Variants in KCTD16 observed in about 807,000 individuals in gnomAD.
The protein encoded by KCTD16 is potassium channel tetramerization domain containing 16.
A neutral mutation model predicts 33.2 loss-of-function variants in KCTD16; 13 were observed. The ratio of observed to expected loss-of-function variants is 0.39; its 90% confidence interval spans 0.25 to 0.62. The LOEUF (loss-of-function observed/expected upper bound fraction) is 0.62, where lower values mean the gene tolerates loss of function less well. KCTD16 is among the 20% of genes least tolerant of loss of function. The pLI is 0.50. For missense variants in KCTD16, 441 were observed against 525.1 expected (o/e 0.84, Z 1.57); for synonymous variants, 197 against 195.3 (o/e 1.01, Z -0.07).
chr5:144,179,838 C>A (rs1396508584), intron 2 of KCTD16, among the ~76,000 whole-genome samples: 1 of 152,174 alleles, frequency 6.6e-6, no homozygotes, highest in African/African-American at 2.4e-5. Flanking sequence ...GGTATTTATT[C>A]ATTCGTTTAA....
At chr5:144,343,188 G>T (rs1483682111) in intron 3 of KCTD16, among the ~76,000 whole-genome samples, 7 of 152,158 alleles carry the variant, frequency 4.6e-5, no homozygotes, top group Admixed American at 3.3e-4. Context: ...GTAGAATTCG[G>T]CTGTGAATCC....
intron 3 of KCTD16, among the ~76,000 whole-genome samples, chr5:144,208,076 T>C (rs1230402497): frequency 6.6e-6 from 1 of 152,152 alleles, no homozygotes; most frequent in Non-Finnish European, 1.5e-5. Flanking sequence ...GGCCCCCTGC[T>C]CCCCCCAAGT....
In KCTD16 at chr5:144,297,919, C is replaced by T. The variant is rs1322844168; in HGVS notation, c.832+90373C>T. Among the ~76,000 whole-genome samples, 9 of 152,302 alleles carry T rather than the reference C, an allele frequency of 5.9e-5. No individual in the cohort carries two copies. In the South Asian group the frequency reaches 1.9e-3, roughly 32 times the overall value. ...TTGAAATTGCACTCTTCTGGTCCAA[C>T]TCGGCTAGAGCTGAGCTTTTGCTCA... On this transcript the variant is annotated intron_variant, in intron 3 of 3. Coordinates refer to ENST00000512467, the MANE Select transcript of KCTD16 (RefSeq NM_020768.4).
At chr5:144,294,641 G>A (rs2126864863) in intron 3 of KCTD16, among the ~76,000 whole-genome samples, 1 of 152,252 alleles carries the variant, frequency 6.6e-6, no homozygotes, top group African/African-American at 2.4e-5. Flanking sequence ...TCATCACAAT[G>A]TTCTTTTTGG....
intron 3 of KCTD16, among the ~76,000 whole-genome samples, chr5:144,235,065 A>G (rs1478970622): frequency 1.3e-5 from 2 of 152,168 alleles, no homozygotes; most frequent in East Asian, 3.8e-4. Context: ...CACTAAGCTG[A>G]GCTCAGTTTC....
chr5:144,215,808 C>A (rs944384680), intron 3 of KCTD16, among the ~76,000 whole-genome samples: 2 of 152,172 alleles, frequency 1.3e-5, no homozygotes, highest in African/African-American at 4.8e-5. Flanking sequence ...ATGATTCTTT[C>A]TAATAGTCCT....
chr5:144,381,477 G>A (rs1283570735), intron 3 of KCTD16, among the ~76,000 whole-genome samples: 2 of 152,204 alleles, frequency 1.3e-5, no homozygotes. Context: ...TGCAGGCTTG[G>A]AAGCATAGGG....
intron 3 of KCTD16, among the ~76,000 whole-genome samples, chr5:144,465,196 T>C (rs554752011): frequency 0.37 from 39,931 of 106,684 alleles, 8,672 homozygotes; most frequent in East Asian, 0.6. Flanking sequence ...CCCCTCTCTC[T>C]CTCACTCTCT....
intron 3 of KCTD16, among the ~76,000 whole-genome samples, chr5:144,220,947 A>G (rs1753729639): frequency 6.6e-6 from 1 of 152,048 alleles, no homozygotes; most frequent in African/African-American, 2.4e-5. Context: ...TCTCAAAAAA[A>G]AAAAAGAAGA....
chr5:144,317,673 A>T (rs1000810113), intron 3 of KCTD16, among the ~76,000 whole-genome samples: 1 of 151,974 alleles, frequency 6.6e-6, no homozygotes, highest in South Asian at 2.1e-4. Flanking sequence ...TTCCTATCCT[A>T]CTAAGAAAAT....
chr5:144,369,198 C>T (rs1751907893), intron 3 of KCTD16: 1 of 152,316 alleles, frequency 6.6e-6, no homozygotes, highest in Middle Eastern at 3.4e-3. Context: ...GCCTGGCTCC[C>T]ATTCCCTTGG....
At chr5:144,190,539 A>G (rs958449892) in intron 2 of KCTD16, among the ~76,000 whole-genome samples, 5 of 152,172 alleles carry the variant, frequency 3.3e-5, no homozygotes, top group African/African-American at 9.7e-5. Context: ...CTATTATTAT[A>G]TCTATTAATA....
At chr5:144,228,174 C>T (rs180785287) in intron 3 of KCTD16, among the ~76,000 whole-genome samples, 14 of 152,030 alleles carry the variant, frequency 9.2e-5, no homozygotes, top group South Asian at 2.1e-4. Flanking sequence ...AGAGTAGGTC[C>T]GAGAATGGAG....
At chr5:144,338,685 T>C (rs1257386611) in intron 3 of KCTD16, among the ~76,000 whole-genome samples, 1 of 152,106 alleles carries the variant, frequency 6.6e-6, no homozygotes. Flanking sequence ...CATGAACCTA[T>C]TTTATGGGCA....
intron 3 of KCTD16, among the ~76,000 whole-genome samples, chr5:144,315,525 A>T (rs1751880997): frequency 6.6e-6 from 1 of 152,176 alleles, no homozygotes; most frequent in Admixed American, 6.5e-5. Context: ...TCTCATCCCA[A>T]ATATAATGAT....
intron 3 of KCTD16, among the ~76,000 whole-genome samples, chr5:144,306,613 C>G (rs1561561272): frequency 6.6e-6 from 1 of 152,186 alleles, no homozygotes; most frequent in Non-Finnish European, 1.5e-5. Context: ...TGACTTTCCC[C>G]TGGGCCTCAT....
chr5:144,229,213 G>A (rs1040217297), intron 3 of KCTD16, among the ~76,000 whole-genome samples: 5 of 152,320 alleles, frequency 3.3e-5, no homozygotes, highest in Middle Eastern at 3.4e-3. Context: ...GTATGCAAGA[G>A]AATTGTTTAA....
chr5:144,453,260 C>T (rs957647296), intron 3 of KCTD16, among the ~76,000 whole-genome samples: 1 of 152,002 alleles, frequency 6.6e-6, no homozygotes, highest in African/African-American at 2.4e-5. Context: ...CGTCAGAGTC[C>T]CCTGTGACAT....
At position 144,473,831 on chromosome 5, in the gene KCTD16, G is replaced by A. The variant is rs764587697; in HGVS notation, c.1004G>A (p.Arg335His). The change falls in exon 4 of 4, where the codon CGC becomes CAC. Residue 335 changes from arginine to histidine, a missense_variant. This residue lies in a region of KCTD16 where 355 missense variants were observed against 413.0 expected (regional missense o/e 0.86). Coordinates refer to ENST00000512467, the MANE Select transcript of KCTD16 (RefSeq NM_020768.4). ...ACGGTCATCTGTGGTCCCGTGACAC[G>A]CCAGACCAACATCCAGACTCTGGAC... is the stretch of plus-strand genomic sequence containing the variant. ...QETVICGPVT[R>H]QTNIQTLDRP... 12 of 1,613,946 alleles carry A rather than the reference G, an allele frequency of 7.4e-6. No homozygotes were observed. In the East Asian group the frequency reaches 8.9e-5, roughly 12 times the overall value.
Sources: allele counts gnomAD v4.1 joint callset (sites outside exome capture counted in the v4.1 genomes callset), GRCh38; gene constraint gnomAD v4.1.1; regional missense constraint gnomAD v4.1.1; transcripts MANE v1.5; gene names NCBI Gene and HGNC (gene_info 2026-07-23, HGNC 2026-07-21).